Variants in IFITM10 observed in about 807,000 individuals in gnomAD.
The protein encoded by IFITM10 is interferon induced transmembrane protein 10, also known as interferon-induced transmembrane protein 10.
IFITM10 carries 17 observed loss-of-function variants against 19.0 expected under a neutral mutation model. The observed-to-expected ratio is 0.90, with a 90% CI of 0.61 to 1.34. The LOEUF (loss-of-function observed/expected upper bound fraction) is 1.34, where lower values mean the gene tolerates loss of function less well. Among genes scored for constraint, IFITM10 ranks in the 40% most tolerant of loss-of-function variants. The pLI is 0.00. For missense variants in IFITM10, 306 were observed against 319.8 expected (o/e 0.96, Z 0.33); for synonymous variants, 148 against 147.2 (o/e 1.01, Z -0.04).
chr11:1,749,141 G>C, intron 1 of IFITM10: 1 of 991,058 alleles, frequency 1.0e-6, no homozygotes, highest in South Asian at 3.9e-5. Context: ...AGGGGGTGGG[G>C]AGCGCGCGGG....
chr11:1,747,305 G>A (rs1248842435), intron 2 of IFITM10, among the ~76,000 whole-genome samples: 4 of 152,094 alleles, frequency 2.6e-5, no homozygotes, highest in African/African-American at 7.2e-5. Context: ...ACGGAGAAGT[G>A]GCTGCTGCCC....
At chr11:1,736,316 A>G (rs1218783569) in intron 2 of IFITM10, among the ~76,000 whole-genome samples, 1 of 152,194 alleles carries the variant, frequency 6.6e-6, no homozygotes, top group Non-Finnish European at 1.5e-5. Context: ...GCAGATGGAC[A>G]GGAGACCTAG....
intron 2 of IFITM10, among the ~76,000 whole-genome samples, chr11:1,740,271 G>A (rs1845547142): frequency 7.3e-6 from 1 of 137,046 alleles, no homozygotes; most frequent in Non-Finnish European, 1.5e-5. Flanking sequence ...CTGCACTCCA[G>A]CCTGGGCAAC....
chr11:1,748,306 T>C, intron 1 of IFITM10, 187 bp from the exon 2 acceptor site: 1 of 434,406 alleles, frequency 2.3e-6, no homozygotes, highest in Non-Finnish European at 4.0e-6. Context: ...GCCAAAGCCC[T>C]TCGCAGCAGC....
intron 2 of IFITM10, among the ~76,000 whole-genome samples, chr11:1,736,137 G>C (rs1313578401): frequency 1.3e-5 from 2 of 152,184 alleles, no homozygotes; most frequent in Non-Finnish European, 2.9e-5. Context: ...TTTGCTGTAA[G>C]AAGAAACCAA....
chr11:1,737,709 G>C (rs1851101703), intron 2 of IFITM10, among the ~76,000 whole-genome samples: 1 of 152,182 alleles, frequency 6.6e-6, no homozygotes, highest in South Asian at 2.1e-4. Flanking sequence ...TTGACCTCAA[G>C]GTACCAGGAA....
chr11:1,740,502 T>C (rs892792153), intron 2 of IFITM10, among the ~76,000 whole-genome samples: 5 of 151,942 alleles, frequency 3.3e-5, no homozygotes, highest in African/African-American at 1.2e-4. Context: ...ATAAAAAGCA[T>C]GGAACTTGAC....
chr11:1,742,467 T>C (rs1845578983), intron 2 of IFITM10, among the ~76,000 whole-genome samples: 1 of 152,094 alleles, frequency 6.6e-6, no homozygotes, highest in Non-Finnish European at 1.5e-5. Context: ...TGGATTGAGC[T>C]GACAGTTGGG....
chr11:1,735,873 G>A (rs918828660), intron 2 of IFITM10, among the ~76,000 whole-genome samples: 1 of 152,282 alleles, frequency 6.6e-6, no homozygotes, highest in East Asian at 1.9e-4. Context: ...AATTTGATTG[G>A]TTCTGCCTCG....
At chr11:1,743,401 T>G (rs1333154331) in intron 2 of IFITM10, among the ~76,000 whole-genome samples, 1 of 146,240 alleles carries the variant, frequency 6.8e-6, no homozygotes, top group East Asian at 2.1e-4. Flanking sequence ...GGAAGATGGA[T>G]AGACGGATGG....
At chr11:1,745,788 C>G (rs559111299) in intron 2 of IFITM10, 2 of 150,810 alleles carry the variant, frequency 1.3e-5, no homozygotes, top group Admixed American at 1.3e-4. Flanking sequence ...CATGCACACA[C>G]TCAGGTACAT....
At chr11:1,736,601 T>C (rs1851089445) in intron 2 of IFITM10, among the ~76,000 whole-genome samples, 1 of 150,952 alleles carries the variant, frequency 6.6e-6, no homozygotes, top group Non-Finnish European at 1.5e-5. Flanking sequence ...GTGGAGTGGA[T>C]GGAATGGATG....
At chr11:1,750,213 C>G in intron 1 of IFITM10, 146 bp downstream of exon 1, 4 of 1,425,256 alleles carry the variant, frequency 2.8e-6, no homozygotes, top group Non-Finnish European at 3.8e-6. Context: ...CTCACTCTCA[C>G]GGTATGCTTG....
chr11:1,743,136 A>G (rs1845591094), intron 2 of IFITM10, among the ~76,000 whole-genome samples: 1 of 143,764 alleles, frequency 7.0e-6, no homozygotes, highest in African/African-American at 2.6e-5. Flanking sequence ...AGATGGATGG[A>G]TATGGATGGA....
In IFITM10 at chr11:1,734,226, A is replaced by T. The variant is rs1234171538; in HGVS notation, c.*1054T>A. The T allele has an allele frequency of 2.6e-5, 4 of 152,202 alleles. No individual in the cohort carries two copies. Among genetic ancestry groups the T allele is most frequent in the Non-Finnish European group, 4.4e-5 (3 of 68,084 alleles). 9.4% of individuals were successfully genotyped at this position (152,202 alleles called of 1,614,324 possible). ...ACCGGCACCCCCATGACTGTGCCTG[A>T]GTTCCAAGGGGACAGAGCCCATCCC... On this transcript the variant is annotated 3_prime_UTR_variant, in exon 3 of 3. Coordinates refer to ENST00000340134, the MANE Select transcript of IFITM10 (RefSeq NM_001170820.4).
intron 2 of IFITM10, among the ~76,000 whole-genome samples, chr11:1,736,189 G>A (rs1183893973): frequency 1.3e-5 from 2 of 152,222 alleles, no homozygotes; most frequent in Non-Finnish European, 2.9e-5. Context: ...AAGAGAGGAA[G>A]ACAGGAAGGG....
chr11:1,748,147 G>GGGCCCGGCCTA, intron 1 of IFITM10, 28 bp from the exon 2 acceptor site: 2 of 1,330,376 alleles, frequency 1.5e-6, no homozygotes, highest in Non-Finnish European at 1.9e-6. Flanking sequence ...AGAGCAAGCT[G>GGGCCCGGCCTA]GGCCCGGCCT....
At chr11:1,743,615 C>T (rs1460256714) in intron 2 of IFITM10, among the ~76,000 whole-genome samples, 4 of 152,006 alleles carry the variant, frequency 2.6e-5, no homozygotes, top group Admixed American at 2.0e-4. Context: ...CATCCAAAAC[C>T]CAACGCAGAA....
Position 1,735,058 on chromosome 11 carries a change from G to A in IFITM10, c.*222C>T. ...AGCCCCCAGGCCCCAGACACAGGCA[G>A]GGTGGAGGCCAGGAGGCGGAGGGGG... On this transcript the variant is annotated 3_prime_UTR_variant, in exon 3 of 3. Coordinates refer to ENST00000340134, the MANE Select transcript of IFITM10 (RefSeq NM_001170820.4). The A allele has an allele frequency of 1.8e-6, 1 of 559,366 alleles. No homozygotes were observed. Among genetic ancestry groups the A allele is most frequent in the East Asian group, 3.0e-5 (1 of 33,386 alleles). 34.7% of individuals were successfully genotyped at this position (559,366 alleles called of 1,614,324 possible). A position where few individuals can be genotyped will look rare whatever the true frequency, so the allele number is the denominator to read the frequency against.
Sources: allele counts gnomAD v4.1 joint callset (sites outside exome capture counted in the v4.1 genomes callset), GRCh38; gene constraint gnomAD v4.1.1; transcripts MANE v1.5; gene names NCBI Gene and HGNC (gene_info 2026-07-23, HGNC 2026-07-21).